The following RALGAPA2 variants were observed in gnomAD, a reference collection of about 807,000 sequenced individuals.
The protein encoded by RALGAPA2 is ral GTPase-activating protein subunit alpha-2.
RALGAPA2 carries 139 observed loss-of-function variants against 230.4 expected under a neutral mutation model. The ratio of observed to expected loss-of-function variants is 0.60; its 90% confidence interval spans 0.53 to 0.69. The LOEUF is 0.69. RALGAPA2 is among the 30% of genes least tolerant of loss of function. RALGAPA2 has a pLI of 0.00. For missense variants in RALGAPA2, 2,163 were observed against 2,276.0 expected (o/e 0.95, Z 1.01); for synonymous variants, 847 against 837.8 (o/e 1.01, Z -0.19).
At chr20:20,559,819 G>A (rs2064202984) in intron 23 of RALGAPA2, among the ~76,000 whole-genome samples, 3 of 152,044 alleles carry the variant, frequency 2.0e-5, no homozygotes, top group Admixed American at 2.0e-4. Context: ...CAACAATTTC[G>A]TCATCTGTAA....
intron 18 of RALGAPA2, among the ~76,000 whole-genome samples, chr20:20,588,697 C>T (rs1475151686): frequency 2.6e-5 from 4 of 152,000 alleles, no homozygotes; most frequent in African/African-American, 4.8e-5. Flanking sequence ...CAAGGAGAGG[C>T]CTTCCCTTTT....
chr20:20,439,702 G>A (rs925755252), intron 37 of RALGAPA2, among the ~76,000 whole-genome samples: 7 of 152,174 alleles, frequency 4.6e-5, no homozygotes, highest in African/African-American at 1.7e-4. Context: ...TACATGCACA[G>A]CTTCAGAGCA....
intron 36 of RALGAPA2, 73 bp downstream of exon 36, chr20:20,495,044 A>G: frequency 7.4e-7 from 1 of 1,347,728 alleles, no homozygotes; most frequent in Non-Finnish European, 1.0e-6. Flanking sequence ...TATTTGTATC[A>G]CTGATTTTCA....
chr20:20,504,551 A>G (rs1189848923), intron 34 of RALGAPA2, among the ~76,000 whole-genome samples: 2 of 152,042 alleles, frequency 1.3e-5, no homozygotes, highest in Non-Finnish European at 2.9e-5. Context: ...GTGAAACACC[A>G]TCTCTACTAA....
At chr20:20,446,953 T>A (rs1193220298) in intron 37 of RALGAPA2, among the ~76,000 whole-genome samples, 1 of 152,248 alleles carries the variant, frequency 6.6e-6, no homozygotes, top group Non-Finnish European at 1.5e-5. Flanking sequence ...ATGGCCCATT[T>A]GTCATGAAGT....
At chr20:20,597,421 A>G (rs1407914049) in intron 16 of RALGAPA2, among the ~76,000 whole-genome samples, 2 of 152,204 alleles carry the variant, frequency 1.3e-5, no homozygotes, top group Non-Finnish European at 2.9e-5. Context: ...GAAACATTAT[A>G]GTCCTCGCTC....
chr20:20,692,510 C>T (rs2068948472), intron 1 of RALGAPA2, among the ~76,000 whole-genome samples: 1 of 152,168 alleles, frequency 6.6e-6, no homozygotes, highest in Middle Eastern at 3.2e-3. Flanking sequence ...CAAAGCAGTG[C>T]CCCTCTCGGA....
intron 3 of RALGAPA2, among the ~76,000 whole-genome samples, chr20:20,669,474 C>A (rs1377680548): frequency 6.6e-6 from 1 of 152,158 alleles, no homozygotes. Flanking sequence ...GTAACCCCAA[C>A]CACATCCTTT....
At chr20:20,526,134 T>C (rs2063194606) in intron 28 of RALGAPA2, 118 bp downstream of exon 28, 1 of 800,572 alleles carries the variant, frequency 1.2e-6, no homozygotes, top group Non-Finnish European at 1.9e-6. Flanking sequence ...AACGAGTGAC[T>C]TGTGGCAATT....
intron 36 of RALGAPA2, among the ~76,000 whole-genome samples, chr20:20,490,918 G>C (rs1286584025): frequency 6.7e-6 from 1 of 149,896 alleles, no homozygotes; most frequent in African/African-American, 2.5e-5. Flanking sequence ...ACTCACAATA[G>C]CTGCTGAACC....
chr20:20,697,341 T>G (rs1184212140), intron 1 of RALGAPA2, among the ~76,000 whole-genome samples: 3 of 152,066 alleles, frequency 2.0e-5, no homozygotes, highest in Non-Finnish European at 4.4e-5. Context: ...AAAAAAAATT[T>G]TTTAATTAAA....
In RALGAPA2 at chr20:20,535,822, G is replaced by C; in HGVS notation, c.3415-19C>G. 6.5e-7 allele frequency: 1 copy of C among 1,541,338 alleles called. No homozygotes were observed. Among genetic ancestry groups the C allele is most frequent in the Non-Finnish European group, 8.8e-7 (1 of 1,142,574 alleles). ...GGTAATGCTAAAAACACAAAATTAA[G>C]TAAAATAAAAACTTTGTGTCATAGT... On this transcript the variant is annotated intron_variant, in intron 25 of 39. Coordinates refer to ENST00000202677, the MANE Select transcript of RALGAPA2 (RefSeq NM_020343.4).
At chr20:20,497,905 A>C (rs1268128346) in intron 35 of RALGAPA2, among the ~76,000 whole-genome samples, 1 of 152,234 alleles carries the variant, frequency 6.6e-6, no homozygotes, top group Non-Finnish European at 1.5e-5. Context: ...CAGTTTAATT[A>C]GCTAAATCAC....
intron 1 of RALGAPA2, among the ~76,000 whole-genome samples, chr20:20,696,724 A>T (rs1281080134): frequency 6.6e-6 from 1 of 151,804 alleles, no homozygotes; most frequent in Non-Finnish European, 1.5e-5. Flanking sequence ...TTAGAACACT[A>T]TTCCCCAAAA....
chr20:20,436,947 A>G (rs1331009453), intron 37 of RALGAPA2, among the ~76,000 whole-genome samples: 1 of 152,090 alleles, frequency 6.6e-6, no homozygotes, highest in Non-Finnish European at 1.5e-5. Flanking sequence ...TGGCAGCCGC[A>G]CCGGGGAGAC....
chr20:20,686,811 G>A (rs1040020811), intron 1 of RALGAPA2, among the ~76,000 whole-genome samples: 1 of 152,032 alleles, frequency 6.6e-6, no homozygotes, highest in Non-Finnish European at 1.5e-5. Flanking sequence ...TATTTGGAAG[G>A]GTCATAACAC....
intron 37 of RALGAPA2, among the ~76,000 whole-genome samples, chr20:20,420,156 C>T (rs530956757): frequency 6.6e-6 from 1 of 152,108 alleles, no homozygotes; most frequent in South Asian, 2.1e-4. Flanking sequence ...AGTTGGGATA[C>T]TTCAGGAGGA....
At chr20:20,687,280 T>A (rs1390228444) in intron 1 of RALGAPA2, among the ~76,000 whole-genome samples, 1 of 152,194 alleles carries the variant, frequency 6.6e-6, no homozygotes, top group Non-Finnish European at 1.5e-5. Flanking sequence ...CAGACAAGGA[T>A]GGATATCATT....
At position 20,672,427 on chromosome 20, in the gene RALGAPA2, T is replaced by G. The variant is rs1227360465; in HGVS notation, c.270+3809A>C. Among the ~76,000 whole-genome samples the G allele has an allele frequency of 2.0e-5, 3 of 152,128 alleles. No individual in the cohort carries two copies. The East Asian group carries it at 5.8e-4, about 29-fold the overall frequency. On this transcript the variant is annotated intron_variant, in intron 3 of 39. Transcript: ENST00000202677. Reference sequence around the variant, plus strand: ...AGTAAATGTTTAATAAAATAAAAGATGTCTAAAAATGAACGAGGATCAAGA... The same window carrying G: ...AGTAAATGTTTAATAAAATAAAAGAGGTCTAAAAATGAACGAGGATCAAGA...
Sources: gnomAD v4.1 joint callset for allele counts (sites outside exome capture counted in the v4.1 genomes callset) on GRCh38, gnomAD v4.1.1 for gene constraint, MANE v1.5 for transcripts, NCBI Gene and HGNC (gene_info 2026-07-23, HGNC 2026-07-21) for gene names.